TENM3: variants seen among roughly 807,000 people sequenced by gnomAD.
TENM3 encodes the protein teneurin-3.
TENM3 carries 63 observed loss-of-function variants against 255.1 expected under a neutral mutation model. The ratio of observed to expected loss-of-function variants is 0.25; its 90% CI spans 0.20 to 0.30. The LOEUF is 0.30. TENM3 is among the 10% of genes least tolerant of loss of function. TENM3 has a pLI of 1.00. For missense variants in TENM3, 2,929 were observed against 3,461.1 expected (o/e 0.85, Z 3.86); for synonymous variants, 1,306 against 1,322.3 (o/e 0.99, Z 0.27).
the TENM3 span, among the ~76,000 whole-genome samples, chr4:181,993,249 A>G: frequency 2.0e-3 from 311 of 152,222 alleles, 1 homozygote; most frequent in African/African-American, 7.3e-3. Context: ...CATTTTGTTA[A>G]TAGGCATGTT....
intron 3 of TENM3, among the ~76,000 whole-genome samples, chr4:182,469,170 AT>A (rs1295945977): frequency 1.3e-5 from 2 of 152,312 alleles, no homozygotes; most frequent in African/African-American, 4.8e-5. Context: ...CTTGATAAGC[AT>A]CTGAATGTCT....
chr4:182,563,355 A>G (rs980066567), intron 3 of TENM3, among the ~76,000 whole-genome samples: 4 of 152,010 alleles, frequency 2.6e-5, no homozygotes, highest in African/African-American at 9.7e-5. Flanking sequence ...ATCGCTAGAA[A>G]CCTGGAAGGT....
chr4:181,519,482 G>A, the TENM3 span, among the ~76,000 whole-genome samples: 1 of 152,030 alleles, frequency 6.6e-6, no homozygotes, highest in Non-Finnish European at 1.5e-5. Flanking sequence ...GAAGAAAAAT[G>A]TTTTATTCCC....
chr4:181,540,357 G>T, the TENM3 span, among the ~76,000 whole-genome samples: 1 of 152,174 alleles, frequency 6.6e-6, no homozygotes, highest in Non-Finnish European at 1.5e-5. Context: ...ACAAACCCCT[G>T]GTGGTAGAAA....
the TENM3 span, among the ~76,000 whole-genome samples, chr4:182,102,494 C>A: frequency 6.6e-6 from 1 of 152,124 alleles, no homozygotes; most frequent in African/African-American, 2.4e-5. Flanking sequence ...AATGTCATGG[C>A]CAAGAATCAA....
At chr4:182,757,955 A>C (rs1208028158) in intron 22 of TENM3, among the ~76,000 whole-genome samples, 1 of 152,190 alleles carries the variant, frequency 6.6e-6, no homozygotes. Flanking sequence ...ATATCTTACA[A>C]AATATCACCC....
At chr4:181,935,609 G>A in the TENM3 span, among the ~76,000 whole-genome samples, 1 of 152,116 alleles carries the variant, frequency 6.6e-6, no homozygotes. Context: ...AAGCTGCCAA[G>A]AGGTGACCTC....
intron 1 of TENM3, among the ~76,000 whole-genome samples, chr4:182,308,213 C>G (rs912719350): frequency 1.3e-5 from 2 of 152,244 alleles, no homozygotes; most frequent in African/African-American, 4.8e-5. Context: ...AAAGCACAGG[C>G]TGGATTGAGC....
chr4:182,199,523 C>G (rs1475017212), intron 1 of TENM3, among the ~76,000 whole-genome samples: 2 of 152,000 alleles, frequency 1.3e-5, no homozygotes, highest in Non-Finnish European at 2.9e-5. Flanking sequence ...TTAAACTCGC[C>G]CAGATACAAT....
the TENM3 span, among the ~76,000 whole-genome samples, chr4:181,873,755 TGTG>T: frequency 3.5e-4 from 53 of 151,926 alleles, no homozygotes; most frequent in Non-Finnish European, 6.9e-4. Flanking sequence ...TGTGTGTGTG[TGTG>T]TGTGTGTGTG....
the TENM3 span, among the ~76,000 whole-genome samples, chr4:181,581,647 A>T: frequency 6.6e-6 from 1 of 152,020 alleles, no homozygotes; most frequent in Non-Finnish European, 1.5e-5. Context: ...CCTCAGTAGA[A>T]CCTGTGGAAA....
the TENM3 span, among the ~76,000 whole-genome samples, chr4:182,080,857 G>A: frequency 7.1e-4 from 108 of 152,230 alleles, 1 homozygote; most frequent in Admixed American, 5.2e-3. Context: ...TGGGCGTAGC[G>A]ACATGCGCTT....
the TENM3 span, among the ~76,000 whole-genome samples, chr4:181,593,326 G>A: frequency 6.6e-6 from 1 of 152,150 alleles, no homozygotes; most frequent in African/African-American, 2.4e-5. Flanking sequence ...GCCATGTGCT[G>A]GAAATGAACG....
At chr4:182,275,199 T>G (rs1462950880) in intron 1 of TENM3, among the ~76,000 whole-genome samples, 1 of 152,200 alleles carries the variant, frequency 6.6e-6, no homozygotes, top group African/African-American at 2.4e-5. Flanking sequence ...CAGAGTTTCC[T>G]CCTGTGTGCT....
chr4:182,679,680 G>C lies in TENM3; in HGVS notation c.1341G>C (p.Glu447Asp), dbSNP rs1341307139. 1 of 1,612,540 alleles carries C rather than the reference G, an allele frequency of 6.2e-7. No homozygotes were observed. The highest frequency in any genetic ancestry group is 2.0e-4 in the Middle Eastern group (1 of 5,110). Reference protein sequence around the residue: ...PPSHTQYDFVELLDGSRLIAR... With the variant: ...PPSHTQYDFVDLLDGSRLIAR... ...CCTCCCCCCAGTATGACTTCGTGGAGCTCCTGGATGGCAGCAGGCTGATTG... is the reference window on the plus strand; with the variant it reads ...CCTCCCCCCAGTATGACTTCGTGGACCTCCTGGATGGCAGCAGGCTGATTG... The change falls in exon 8 of 28, where the codon GAG (glutamate) becomes GAC (aspartate). Residue 447 changes from glutamate to aspartate, a missense_variant. By Grantham distance (45) the Glu-to-Asp change is conservative. Transcript: ENST00000511685.
intron 4 of TENM3, among the ~76,000 whole-genome samples, chr4:182,622,910 G>T (rs1007095076): frequency 2.0e-5 from 3 of 152,134 alleles, no homozygotes; most frequent in Non-Finnish European, 4.4e-5. Context: ...GATTTGTGGA[G>T]TGAATATATC....
the TENM3 span, among the ~76,000 whole-genome samples, chr4:181,714,912 A>C: frequency 6.6e-6 from 1 of 152,172 alleles, no homozygotes; most frequent in African/African-American, 2.4e-5. Context: ...CAAAGAGATA[A>C]ATTTTCATTT....
intron 3 of TENM3, among the ~76,000 whole-genome samples, chr4:182,381,690 T>G (rs1355462505): frequency 6.6e-6 from 1 of 151,980 alleles, no homozygotes; most frequent in Non-Finnish European, 1.5e-5. Flanking sequence ...GCCTCCCAAG[T>G]AGCTGGGATT....
the TENM3 span, among the ~76,000 whole-genome samples, chr4:181,576,284 T>C: frequency 3.3e-5 from 5 of 152,226 alleles, no homozygotes; most frequent in African/African-American, 4.8e-5. Context: ...GATTTCATTC[T>C]TTTTTATAGC....
Sources: gnomAD v4.1 joint callset for allele counts (sites outside exome capture counted in the v4.1 genomes callset) on GRCh38, gnomAD v4.1.1 for gene constraint, MANE v1.5 for transcripts, NCBI Gene and HGNC (gene_info 2026-07-23, HGNC 2026-07-21) for gene names.